Variants in GPR142 observed in about 807,000 individuals in gnomAD.
The protein encoded by GPR142 is G-protein coupled receptor 142 long form.
A neutral mutation model predicts 10.6 loss-of-function variants in GPR142; 9 were observed. The ratio of observed to expected loss-of-function variants is 0.85; its 90% CI spans 0.51 to 1.48. GPR142 has a LOEUF of 1.48. Ranked by LOEUF, GPR142 falls within the 40% of genes most tolerant of loss-of-function variation. GPR142 has a pLI of 0.00. For missense variants in GPR142, 482 were observed against 506.0 expected (o/e 0.95, Z 0.45); for synonymous variants, 202 against 221.2 (o/e 0.91, Z 0.77).
intron 1 of GPR142, among the ~76,000 whole-genome samples, 187 bp from the exon 2 acceptor site, chr17:74,369,281 C>A (rs778049559): frequency 6.6e-6 from 1 of 152,050 alleles, no homozygotes; most frequent in African/African-American, 2.4e-5. Flanking sequence ...TACCTGTGAA[C>A]CCCATGCCAC....
At position 74,371,873 on chromosome 17, in the gene GPR142, T is replaced by G; in HGVS notation, c.398T>G (p.Val133Gly). 6.2e-7 allele frequency: 1 copy of G among 1,613,506 alleles called. No homozygotes were observed. The highest frequency in any genetic ancestry group is 8.5e-7 in the Non-Finnish European group (1 of 1,180,014). The stretch of plus-strand genomic sequence containing the variant: ...GCGGGCTTCCTCCTGCAGGGAGCAG[T>G]GCTGGCCCGCCAGGTGCCCCAGGCT... ...VFAGFLLQGA[V>G]LARQVPQAVV... The change falls in exon 4 of 4, where the codon GTG becomes GGG. Residue 133 changes from valine to glycine, a missense_variant. Transcript: ENST00000582579.
intron 1 of GPR142, among the ~76,000 whole-genome samples, chr17:74,369,096 T>C (rs927450743): frequency 2.6e-5 from 4 of 152,148 alleles, no homozygotes; most frequent in Non-Finnish European, 5.9e-5. Flanking sequence ...TGGATGCTCA[T>C]AGAGTCAGCA....
intron 1 of GPR142, 124 bp from the exon 2 acceptor site, chr17:74,369,344 C>G: frequency 1.2e-6 from 1 of 853,382 alleles, no homozygotes. Flanking sequence ...GACCCCTTCC[C>G]CTGCCTGTGC....
At position 74,369,474 on chromosome 17, in the gene GPR142, TG is replaced by T. The variant is rs1327391100; in HGVS notation, c.-66del. The T allele has an allele frequency of 1.3e-6, 2 of 1,556,694 alleles. No individual in the cohort carries two copies. The highest frequency in any genetic ancestry group is 1.7e-6 in the Non-Finnish European group (2 of 1,149,472). ...CCGCCCCCTGCACTAACAGGCTCAG[TG>T]TCTGCGTAAGGATCCTGGGGCAAAC... On this transcript the variant is annotated 5_prime_UTR_variant, in exon 2 of 4. An upstream open reading frame in the 5' UTR loses its in-frame stop. Coordinates refer to ENST00000582579, the MANE Select transcript of GPR142 (RefSeq NM_001331076.1).
chr17:74,368,286 G>A (rs552388310), intron 1 of GPR142, among the ~76,000 whole-genome samples: 4 of 152,172 alleles, frequency 2.6e-5, no homozygotes, highest in Non-Finnish European at 4.4e-5. Context: ...GGCCTGGGGC[G>A]TCATCTGTGC....
chr17:74,370,089 G>C (rs1423986146), intron 2 of GPR142, among the ~76,000 whole-genome samples: 1 of 151,372 alleles, frequency 6.6e-6, no homozygotes, highest in Non-Finnish European at 1.5e-5. Flanking sequence ...GCATCACCCG[G>C]GTCGGAATCA....
chr17:74,371,707 C>T (rs777597431), intron 3 of GPR142, 22 bp from the exon 4 acceptor site: 2 of 1,579,396 alleles, frequency 1.3e-6, no homozygotes, highest in East Asian at 2.3e-5. Flanking sequence ...CCTCTCCCCT[C>T]CCTCACCTCG....
intron 1 of GPR142, 82 bp from the exon 2 acceptor site, chr17:74,369,386 A>G: frequency 1.4e-6 from 2 of 1,379,788 alleles, no homozygotes; most frequent in South Asian, 1.3e-5. Flanking sequence ...CTCCACCAGC[A>G]TCTACTCTAG....
Position 74,372,009 on chromosome 17 carries a change from T to C in GPR142, c.534T>C (p.His178=). 6.2e-7 allele frequency: 1 copy of C among 1,613,296 alleles called. No individual in the cohort carries two copies. Among genetic ancestry groups the C allele is most frequent in the Non-Finnish European group, 8.5e-7 (1 of 1,179,956 alleles). The change falls in exon 4 of 4, where the codon CAT becomes CAC. Residue 178 remains histidine, a synonymous_variant. Transcript: ENST00000582579. The part of the protein sequence containing the change: ...RYTALCHPLH[H]RAASSPGRTR... ...CTGCCCTGTGCCACCCCCTGCACCATCGGGCCGCCTCGTCCCCAGGCCGGA... is the reference window on the plus strand; with the variant it reads ...CTGCCCTGTGCCACCCCCTGCACCACCGGGCCGCCTCGTCCCCAGGCCGGA...
rs775385041 is a variant in GPR142 at position 74,372,001 on chromosome 17, C to G, written c.526C>G (p.Leu176Val). Residue 176 changes from leucine (L) to valine (V), a missense_variant, in exon 4 of 4, where the codon CTG becomes GTG. Transcript: ENST00000582579. ...VDRYTALCHP[L>V]HHRAASSPGR... The stretch of plus-strand genomic sequence containing the variant: ...CCGCTACACTGCCCTGTGCCACCCC[C>G]TGCACCATCGGGCCGCCTCGTCCCC... 1.6e-5 allele frequency: 26 copies of G among 1,613,170 alleles called. No homozygotes were observed. Among genetic ancestry groups the G allele is most frequent in the Middle Eastern group, 1.6e-4 (1 of 6,084 alleles).
rs1289775949 is a variant in GPR142 at position 74,369,754 on chromosome 17, G to C, written c.94+120G>C. The C allele has an allele frequency of 5.3e-4, 548 of 1,038,260 alleles. 8 individuals are homozygous for C. Among genetic ancestry groups the C allele is most frequent in the Non-Finnish European group, 6.9e-5 (51 of 742,644 alleles). The allele number at this position is 1,038,260 out of a possible 1,614,324, so 64.3% of individuals were successfully genotyped here. A position where few individuals can be genotyped will look rare whatever the true frequency, so the allele number is the denominator to read the frequency against. On this transcript the variant is annotated intron_variant, in intron 2 of 3. Transcript: ENST00000582579. ...GGCCAAAGCTGAGAGTGAGTGAGCA[G>C]TGAGCCCCCCGGCCTCAGCAGGAAA...
At position 74,371,944 on chromosome 17, in the gene GPR142, TCA is replaced by T. The variant is rs1212100766; in HGVS notation, c.470_471del (p.Ser157CysfsTer10). 1.2e-6 allele frequency: 2 copies of T among 1,612,736 alleles called. No individual in the cohort carries two copies. The highest frequency in any genetic ancestry group is 1.7e-6 in the Non-Finnish European group (2 of 1,179,998). On this transcript the variant is annotated frameshift_variant, in exon 4 of 4. Coordinates refer to ENST00000582579, the MANE Select transcript of GPR142 (RefSeq NM_001331076.1). LOFTEE classifies it low-confidence loss of function (END_TRUNC). ...CCTGGAGTTTGCTGCCAACCACGCC[TCA>T]GTCTGGATCGCCATCCTGCTCACGG... ...NILEFAANHA[S>X]VWIAILLTVD...
chr17:74,369,171 C>G (rs962711239), intron 1 of GPR142, among the ~76,000 whole-genome samples: 7 of 152,012 alleles, frequency 4.6e-5, no homozygotes, highest in Admixed American at 3.9e-4. Context: ...TGAACACAGG[C>G]CAGCTCACAG....
intron 1 of GPR142, among the ~76,000 whole-genome samples, chr17:74,368,834 C>T (rs140082608): frequency 6.6e-6 from 1 of 152,186 alleles, no homozygotes; most frequent in Non-Finnish European, 1.5e-5. Context: ...CTGTGGTTTC[C>T]CAGCACCGGC....
rs143888084 is a variant in GPR142, at chr17:74,370,549, C to T, written c.123C>T (p.Pro41=). The part of the protein sequence containing the change: ...TAGQPRVTLL[P]TPHVSGLSQE... ...GCCAGCCACGAGTGACCCTGCTGCC[C>T]ACGCCCCACGTCAGCGGGCTGAGCC... is the stretch of plus-strand genomic sequence containing the variant. The change falls in exon 3 of 4, where the codon CCC becomes CCT. Residue 41 remains proline, a synonymous_variant. Transcript: ENST00000582579. 3.3e-5 allele frequency: 54 copies of T among 1,612,560 alleles called. No individual in the cohort carries two copies. In the African/African-American group the frequency reaches 6.8e-4, roughly 20 times the overall value.
chr17:74,368,486 T>C (rs574384004), intron 1 of GPR142, among the ~76,000 whole-genome samples: 1 of 150,124 alleles, frequency 6.7e-6, no homozygotes, highest in East Asian at 2.0e-4. Context: ...CGAGGGGGGG[T>C]TGGGATGGGG....
At position 74,371,910 on chromosome 17, in the gene GPR142, G is replaced by A. The variant is rs368419154; in HGVS notation, c.435G>A (p.Thr145=). 1.1e-4 allele frequency: 170 copies of A among 1,612,958 alleles called. No homozygotes were observed. The highest frequency in any genetic ancestry group is 8.2e-4 in the Middle Eastern group (5 of 6,062). The stretch of plus-strand genomic sequence containing the variant: ...AGGTGCCCCAGGCTGTGGTGCGCAC[G>A]GCCAACATCCTGGAGTTTGCTGCCA... The part of the protein sequence containing the change: ...ARQVPQAVVR[T]ANILEFAANH... Residue 145 remains threonine, a synonymous_variant, in exon 4 of 4, where the codon ACG becomes ACA. Transcript: ENST00000582579.
chr17:74,372,041 G>A lies in GPR142; in HGVS notation c.566G>A (p.Arg189Gln), dbSNP rs146973432. 95 of 1,614,034 alleles carry A rather than the reference G, an allele frequency of 5.9e-5. No individual in the cohort carries two copies. The East Asian group carries it at 1.1e-3, about 19-fold the overall frequency. The change falls in exon 4 of 4, where the codon CGG (arginine) becomes CAG (glutamine). Residue 189 changes from arginine (R) to glutamine (Q), a missense_variant. By Grantham distance (43) the Arg-to-Gln change is conservative. Coordinates refer to ENST00000582579, the MANE Select transcript of GPR142 (RefSeq NM_001331076.1). The part of the protein sequence containing the change: ...RAASSPGRTR[R>Q]AIAAVLSAAL... ...GCCTCGTCCCCAGGCCGGACCCGCC[G>A]GGCCATTGCTGCTGTCCTGAGTGCT...
chr17:74,371,662 AC>A, intron 3 of GPR142, 66 bp from the exon 4 acceptor site: 2 of 1,483,392 alleles, frequency 1.3e-6, no homozygotes, highest in Non-Finnish European at 1.8e-6. Context: ...CGATGGCGAC[AC>A]CTTGGAAAGC....
Sources: gnomAD v4.1 joint callset for allele counts (sites outside exome capture counted in the v4.1 genomes callset) on GRCh38, gnomAD v4.1.1 for gene constraint, MANE v1.5 for transcripts, NCBI Gene and HGNC (gene_info 2026-07-23, HGNC 2026-07-21) for gene names.